Variants in ADGRE3 observed in about 807,000 individuals in gnomAD.
ADGRE3 encodes the protein EGF-like module receptor 3.
In ADGRE3, 88 loss-of-function variants were observed where a neutral mutation model predicts 80.1. The observed-to-expected ratio is 1.10, with a 90% CI of 0.93 to 1.31. The LOEUF (loss-of-function observed/expected upper bound fraction) is 1.31, where lower values mean the gene tolerates loss of function less well. Ranked by LOEUF, ADGRE3 falls within the 40% of genes most tolerant of loss-of-function variation. ADGRE3 has a pLI of 0.00. For synonymous variants in ADGRE3, 281 were observed against 294.8 expected, an observed-to-expected ratio of 0.95 and a Z score of 0.48; for missense variants, 715 against 776.5, an observed-to-expected ratio of 0.92 and a Z score of 0.94.
downstream of ADGRE3, among the ~76,000 whole-genome samples, chr19:14,615,254 C>T (rs2075069114): frequency 8.5e-6 from 1 of 118,196 alleles, no homozygotes; most frequent in Admixed American, 1.2e-4. Flanking sequence ...GTTGCCCAGG[C>T]TGGAGTGCAG....
At chr19:14,616,013 C>A (rs1471572696), downstream of ADGRE3, among the ~76,000 whole-genome samples, 1 of 150,296 alleles carries the variant, frequency 6.7e-6, no homozygotes, top group African/African-American at 2.4e-5. Context: ...CCCACTGTAA[C>A]CTCCGCCTCC....
In ADGRE3 at chr19:14,634,985, T is replaced by C. The variant is rs185672195; in HGVS notation, c.1485-1683A>G. ...GAAAGGGAACCAGTCAAAGCAATTA[T>C]GGATCTTAAGCCAGTTTCAGTTAGT... On this transcript the variant is annotated intron_variant, in intron 11 of 15. Coordinates refer to ENST00000253673, the MANE Select transcript of ADGRE3 (RefSeq NM_032571.5). Among the ~76,000 whole-genome samples, 13 of 152,340 alleles carry C rather than the reference T, an allele frequency of 8.5e-5. No homozygotes were observed. In the East Asian group the frequency reaches 2.1e-3, roughly 25 times the overall value.
At chr19:14,673,047 A>C (rs1972298306) in intron 1 of ADGRE3, among the ~76,000 whole-genome samples, 1 of 152,128 alleles carries the variant, frequency 6.6e-6, no homozygotes, top group Non-Finnish European at 1.5e-5. Flanking sequence ...CTCTGTCTCC[A>C]GTTGCAAAAA....
intron 7 of ADGRE3, among the ~76,000 whole-genome samples, chr19:14,649,046 C>T (rs1971500445): frequency 6.7e-6 from 1 of 148,964 alleles, no homozygotes; most frequent in African/African-American, 2.5e-5. Context: ...CCATATATCT[C>T]TCCCCATCTC....
At chr19:14,605,161 G>T in the ADGRE3 span, among the ~76,000 whole-genome samples, 41 of 151,134 alleles carry the variant, frequency 2.7e-4, no homozygotes, top group African/African-American at 8.8e-4. Flanking sequence ...GCACTGTCGC[G>T]ATCTCAGCTC....
chr19:14,636,090 C>CTT (rs752467485), intron 11 of ADGRE3, among the ~76,000 whole-genome samples: 464 of 22,902 alleles, frequency 0.02, 46 homozygotes, highest in Non-Finnish European at 0.025. Context: ...CCCTTTCTTT[C>CTT]TTTCTTTCTT....
the ADGRE3 span, among the ~76,000 whole-genome samples, chr19:14,602,974 A>T: frequency 2.0e-5 from 3 of 152,036 alleles, no homozygotes; most frequent in African/African-American, 7.2e-5. Context: ...ACCTCAGGTG[A>T]TCCACCTGCC....
intron 10 of ADGRE3, among the ~76,000 whole-genome samples, chr19:14,640,227 C>A (rs1289729309): frequency 1.3e-5 from 2 of 152,084 alleles, no homozygotes; most frequent in Non-Finnish European, 2.9e-5. Context: ...TTCCTCATAC[C>A]TATTCTCTTC....
intron 6 of ADGRE3, among the ~76,000 whole-genome samples, chr19:14,654,633 A>T (rs1407812948): frequency 6.6e-6 from 1 of 152,126 alleles, no homozygotes; most frequent in Non-Finnish European, 1.5e-5. Context: ...CTGAATAAAC[A>T]ACTTTATTGA....
At chr19:14,634,251 CA>C (rs1249192748) in intron 11 of ADGRE3, among the ~76,000 whole-genome samples, 1 of 151,974 alleles carries the variant, frequency 6.6e-6, no homozygotes, top group East Asian at 1.9e-4. Context: ...ATTACGTGCT[CA>C]AATTAAAATG....
At chr19:14,664,324 C>T (rs1333400971) in intron 2 of ADGRE3, among the ~76,000 whole-genome samples, 1 of 152,128 alleles carries the variant, frequency 6.6e-6, no homozygotes, top group Non-Finnish European at 1.5e-5. Flanking sequence ...GTAATCCCAG[C>T]TACTCAGGGG....
At chr19:14,614,549 G>A (rs2146778677), downstream of ADGRE3, among the ~76,000 whole-genome samples, 1 of 151,734 alleles carries the variant, frequency 6.6e-6, no homozygotes, top group African/African-American at 2.4e-5. Flanking sequence ...CCATGACTTT[G>A]TGAGGTTGGA....
the ADGRE3 span, among the ~76,000 whole-genome samples, chr19:14,603,767 C>T: frequency 6.6e-6 from 1 of 152,076 alleles, no homozygotes. Flanking sequence ...TGCCCTAACC[C>T]ATAGCTCACT....
intron 8 of ADGRE3, among the ~76,000 whole-genome samples, chr19:14,644,733 T>G (rs1326322364): frequency 6.6e-6 from 1 of 152,116 alleles, no homozygotes; most frequent in Non-Finnish European, 1.5e-5. Flanking sequence ...CTGTTTTGTT[T>G]GTTTGTTTTT....
intron 1 of ADGRE3, among the ~76,000 whole-genome samples, chr19:14,673,469 C>A (rs1445057019): frequency 6.6e-6 from 1 of 152,118 alleles, no homozygotes; most frequent in Non-Finnish European, 1.5e-5. Flanking sequence ...TTAGGAGATT[C>A]CCATAGGGAG....
chr19:14,602,223 A>AT, the ADGRE3 span, among the ~76,000 whole-genome samples: 1 of 151,450 alleles, frequency 6.6e-6, no homozygotes, highest in Non-Finnish European at 1.5e-5. Context: ...CAGACAGTAT[A>AT]TAGTTGGGTT....
intron 2 of ADGRE3, among the ~76,000 whole-genome samples, chr19:14,666,708 T>C (rs1443664782): frequency 1.3e-5 from 2 of 152,108 alleles, no homozygotes; most frequent in Admixed American, 6.6e-5. Context: ...AGAGGTGGTA[T>C]TGTACTCAGT....
At chr19:14,665,055 A>ATTTTTTT (rs916325882) in intron 2 of ADGRE3, among the ~76,000 whole-genome samples, 2 of 89,808 alleles carry the variant, frequency 2.2e-5, no homozygotes, top group Admixed American at 1.1e-4. Flanking sequence ...GAGCAACCTC[A>ATTTTTTT]TTTTTTTTTT....
chr19:14,614,887 ATT>A (rs34761800), downstream of ADGRE3, among the ~76,000 whole-genome samples: 5 of 141,618 alleles, frequency 3.5e-5, no homozygotes, highest in Non-Finnish European at 6.1e-5. Flanking sequence ...CCCGGCCCCC[ATT>A]TTTTTTTTTT....
Sources: gnomAD v4.1 joint callset for allele counts (sites outside exome capture counted in the v4.1 genomes callset) on GRCh38, gnomAD v4.1.1 for gene constraint, MANE v1.5 for transcripts, NCBI Gene and HGNC (gene_info 2026-07-23, HGNC 2026-07-21) for gene names.